The following PKD1L1 variants were observed in gnomAD, a reference collection of about 807,000 sequenced individuals.
The protein encoded by PKD1L1 is polycystin-1-like protein 1.
A neutral mutation model predicts 323.4 loss-of-function variants in PKD1L1; 236 were observed. The ratio of observed to expected loss-of-function variants is 0.73; its 90% CI spans 0.66 to 0.81. The LOEUF (loss-of-function observed/expected upper bound fraction) is 0.81. PKD1L1 is among the 40% of genes least tolerant of loss of function. PKD1L1 has a pLI of 0.00. For synonymous variants in PKD1L1, 1,344 were observed against 1,335.0 expected (o/e 1.01, Z -0.15); for missense variants, 3,320 against 3,508.0 (o/e 0.95, Z 1.35).
At chr7:47,893,007 G>A (rs1351981398) in intron 15 of PKD1L1, among the ~76,000 whole-genome samples, 1 of 152,184 alleles carries the variant, frequency 6.6e-6, no homozygotes, top group Non-Finnish European at 1.5e-5. Context: ...AAGGCAGGCA[G>A]ATCACTTCAG....
intron 15 of PKD1L1, among the ~76,000 whole-genome samples, chr7:47,893,448 T>C (rs1411451601): frequency 6.6e-6 from 1 of 151,846 alleles, no homozygotes; most frequent in Non-Finnish European, 1.5e-5. Context: ...CATGGATGGA[T>C]CCACATCAGG....
intron 3 of PKD1L1, 51 bp from the exon 4 acceptor site, chr7:47,937,009 A>ATTTTG: frequency 5.0e-6 from 7 of 1,406,924 alleles, no homozygotes; most frequent in Admixed American, 1.8e-5. Context: ...ATGAAAACCC[A>ATTTTG]GTACATTTGG....
At position 47,855,739 on chromosome 7, in the gene PKD1L1, A is replaced by C. The variant is rs1403384429; in HGVS notation, c.4591-474T>G. On this transcript the variant is annotated intron_variant, in intron 28 of 56. Coordinates refer to ENST00000289672, the MANE Select transcript of PKD1L1 (RefSeq NM_138295.5). The stretch of plus-strand genomic sequence containing the variant: ...AAAATACAAAAAATTAGCCGGGCGT[A>C]GTGGCGGGCGCCTGTAGTCCCAGCT... Among the ~76,000 whole-genome samples the C allele has an allele frequency of 3.1e-5, 4 of 127,646 alleles. 1 individual carries two copies. The highest frequency in any genetic ancestry group is 6.5e-5 in the Non-Finnish European group (4 of 61,212). The allele number at this position is 127,646 out of a possible 152,430, so 83.7% of individuals were successfully genotyped here. A position where few individuals can be genotyped will look rare whatever the true frequency, so the allele number is the denominator to read the frequency against.
chr7:47,807,265 T>G (rs1307145181), intron 52 of PKD1L1, among the ~76,000 whole-genome samples: 1 of 151,870 alleles, frequency 6.6e-6, no homozygotes, highest in Non-Finnish European at 1.5e-5. Flanking sequence ...TGCAACAAAA[T>G]GATCTCCAAC....
chr7:47,890,716 AAGCAGGG>A lies in PKD1L1; in HGVS notation c.2494_2500del (p.Pro832SerfsTer32). On this transcript the variant is annotated frameshift_variant, in exon 16 of 57. Transcript: ENST00000289672. LOFTEE classifies it high-confidence loss of function. ...CAGTTGGTGTGCAGTGGAGGAGTCG[AAGCAGGG>A]ATGTGCTGGGGAGCCAGCGGTGGCG... 6.2e-7 allele frequency: 1 copy of A among 1,613,282 alleles called. No individual in the cohort carries two copies. The highest frequency in any genetic ancestry group is 8.5e-7 in the Non-Finnish European group (1 of 1,180,018).
At chr7:47,896,284 G>A (rs1345924658) in intron 14 of PKD1L1, among the ~76,000 whole-genome samples, 1 of 137,508 alleles carries the variant, frequency 7.3e-6, no homozygotes, top group African/African-American at 2.9e-5. Context: ...AGCCGAGATT[G>A]CAGCCACTGC....
intron 50 of PKD1L1, chr7:47,809,797 T>C: frequency 2.5e-6 from 1 of 402,110 alleles, no homozygotes; most frequent in Admixed American, 4.2e-5. Flanking sequence ...AGAAACTCCA[T>C]GCCAGGGGTT....
At chr7:47,951,295 C>T (rs1279297984), upstream of PKD1L1, among the ~76,000 whole-genome samples, 1 of 152,160 alleles carries the variant, frequency 6.6e-6, no homozygotes, top group Non-Finnish European at 1.5e-5. Context: ...TGTGCAAGGA[C>T]GGAACCCCCT....
intron 20 of PKD1L1, among the ~76,000 whole-genome samples, chr7:47,881,066 G>T (rs1004840598): frequency 3.3e-5 from 5 of 151,934 alleles, no homozygotes; most frequent in African/African-American, 1.2e-4. Context: ...AGCAACAAGA[G>T]AATTCTGTTA....
intron 47 of PKD1L1, among the ~76,000 whole-genome samples, chr7:47,814,306 A>G (rs1784969007): frequency 2.0e-5 from 3 of 152,230 alleles, no homozygotes; most frequent in South Asian, 4.1e-4. Flanking sequence ...CAGTGTCATC[A>G]ACCCAAGAGA....
rs759416849 is a variant in PKD1L1 at position 47,839,493 on chromosome 7, C to T, written c.5722G>A (p.Val1908Met). The part of the protein sequence containing the change: ...WLSAGRHDGR[V>M]ERELTCLQGG... ...TGCAGACAGGTGAGCTCCCGCTCCA[C>T]GCGACCATCATGCCTGCCGGCAGAC... The change falls in exon 36 of 57, where the codon GTG becomes ATG. Residue 1908 changes from valine to methionine, a missense_variant. Physicochemically the swap from Val to Met is conservative, Grantham distance 21. Coordinates refer to ENST00000289672, the MANE Select transcript of PKD1L1 (RefSeq NM_138295.5). The surrounding 1 kb of genome is among the most constrained non-coding windows in gnomAD (Gnocchi z 4.3). 1.4e-5 allele frequency: 22 copies of T among 1,612,522 alleles called. No individual in the cohort carries two copies. Among genetic ancestry groups the T allele is most frequent in the Admixed American group, 1.0e-4 (6 of 59,962 alleles).
rs766926693 is a variant in PKD1L1 at position 47,831,393 on chromosome 7, C to G, written c.6338-41G>C. On this transcript the variant is annotated intron_variant, in intron 41 of 56. Transcript: ENST00000289672. ...ACAGAGACAAGGCAGCTTAAGAGACCTCGGCATCTCCATCCACGCGGAGTG... is the reference window on the plus strand; with the variant it reads ...ACAGAGACAAGGCAGCTTAAGAGACGTCGGCATCTCCATCCACGCGGAGTG... The G allele has an allele frequency of 1.3e-5, 21 of 1,576,620 alleles. No homozygotes were observed. In the South Asian group the frequency reaches 2.2e-4, roughly 17 times the overall value.
intron 20 of PKD1L1, among the ~76,000 whole-genome samples, chr7:47,881,583 T>C (rs1786554227): frequency 6.6e-6 from 1 of 152,162 alleles, no homozygotes; most frequent in Non-Finnish European, 1.5e-5. Flanking sequence ...GACCAATTCA[T>C]GTAAATCCCT....
intron 56 of PKD1L1, among the ~76,000 whole-genome samples, chr7:47,776,799 T>C (rs1786578629): frequency 6.6e-6 from 1 of 152,220 alleles, no homozygotes; most frequent in Admixed American, 6.5e-5. Flanking sequence ...AGCAAAGACA[T>C]TGCTCCGCAA....
At chr7:47,933,799 T>C (rs1358520113) in intron 4 of PKD1L1, among the ~76,000 whole-genome samples, 3 of 152,230 alleles carry the variant, frequency 2.0e-5, no homozygotes, top group East Asian at 1.9e-4. Flanking sequence ...TCTTCCACTA[T>C]TGGTTCTCAC....
intron 55 of PKD1L1, among the ~76,000 whole-genome samples, chr7:47,794,291 T>G (rs936837244): frequency 6.6e-5 from 10 of 152,096 alleles, no homozygotes; most frequent in Admixed American, 3.3e-4. Flanking sequence ...GAGGAATAAG[T>G]GGTTTAGTGG....
At chr7:47,883,763 C>A (rs923470467) in intron 19 of PKD1L1, among the ~76,000 whole-genome samples, 3 of 152,210 alleles carry the variant, frequency 2.0e-5, no homozygotes, top group African/African-American at 7.2e-5. Context: ...ATCATTCATT[C>A]ATCATCCATT....
At chr7:47,822,165 A>T (rs1562946888) in intron 45 of PKD1L1, among the ~76,000 whole-genome samples, 1 of 152,190 alleles carries the variant, frequency 6.6e-6, no homozygotes, top group Non-Finnish European at 1.5e-5. Flanking sequence ...GCAGCTGTAT[A>T]GTATGTCTTA....
rs1457072516 is a variant in PKD1L1 at position 47,796,090 on chromosome 7, C to T, written c.8254G>A (p.Val2752Met). The T allele has an allele frequency of 6.2e-7, 1 of 1,611,032 alleles. No individual in the cohort carries two copies. The highest frequency in any genetic ancestry group is 1.7e-5 in the Admixed American group (1 of 59,478). ...TAAGCAGTGACATCTTTAAGTCTCA[C>T]AAAAGATTTACTTTGAAAAGATTTT... ...KRKSFQSKSF[V>M]RLKDVTAYMW... The change falls in exon 55 of 57, where the codon GTG (valine) becomes ATG (methionine). Residue 2752 changes from valine (V) to methionine (M), a missense_variant. By Grantham distance (21) the Val-to-Met change is conservative (BLOSUM62 1). Transcript: ENST00000289672.
Sources: allele counts gnomAD v4.1 joint callset (sites outside exome capture counted in the v4.1 genomes callset), GRCh38; gene constraint gnomAD v4.1.1; non-coding constraint Gnocchi (gnomAD v3.1); transcripts MANE v1.5; gene names NCBI Gene and HGNC (gene_info 2026-07-23, HGNC 2026-07-21).